The following GSE1 variants were observed in gnomAD, a reference collection of about 807,000 sequenced individuals.
GSE1 encodes the protein Gse1 coiled-coil protein, also known as genetic suppressor element 1.
In GSE1, 32 loss-of-function variants were observed where a neutral mutation model predicts 112.6. The observed-to-expected ratio is 0.28, with a 90% CI of 0.21 to 0.38. The LOEUF (loss-of-function observed/expected upper bound fraction) is 0.38, where lower values mean the gene tolerates loss of function less well. Ranked by LOEUF, GSE1 falls within the 10% of genes least tolerant of loss-of-function variation. The pLI is 1.00. For synonymous variants in GSE1, 1,115 were observed against 735.6 expected, an observed-to-expected ratio of 1.52 and a Z score of -8.35; for missense variants, 2,348 against 1,699.2, an observed-to-expected ratio of 1.38 and a Z score of -6.71.
intron 2 of GSE1, among the ~76,000 whole-genome samples, chr16:85,544,467 A>G (rs768957362): frequency 6.6e-6 from 1 of 152,194 alleles, no homozygotes; most frequent in Non-Finnish European, 1.5e-5. Flanking sequence ...GAAGAGCAAT[A>G]GGAAAGGAAG....
At chr16:85,671,732 A>T (rs772417629) in intron 15 of GSE1, 1 of 153,780 alleles carries the variant, frequency 6.5e-6, no homozygotes, top group Non-Finnish European at 1.4e-5. Context: ...AGTCTCCTCT[A>T]CCGTGATTTG....
At chr16:85,479,869 C>T (rs964445707) in intron 2 of GSE1, among the ~76,000 whole-genome samples, 6 of 152,158 alleles carry the variant, frequency 3.9e-5, no homozygotes, top group African/African-American at 1.4e-4. Flanking sequence ...GAAACTGAGG[C>T]CCGGGCCCAG....
intron 2 of GSE1, among the ~76,000 whole-genome samples, chr16:85,550,003 C>G (rs563115518): frequency 1.3e-5 from 2 of 152,314 alleles, no homozygotes; most frequent in South Asian, 2.1e-4. Context: ...AGCATTATTA[C>G]CACTGTTATC....
At chr16:85,466,193 G>C (rs2050115958) in intron 2 of GSE1, among the ~76,000 whole-genome samples, 1 of 152,220 alleles carries the variant, frequency 6.6e-6, no homozygotes. Context: ...GCCAGGTCGT[G>C]GTAACCTGGC....
intron 1 of GSE1, among the ~76,000 whole-genome samples, chr16:85,296,479 C>A (rs947764148): frequency 6.6e-6 from 1 of 152,060 alleles, no homozygotes; most frequent in Non-Finnish European, 1.5e-5. Flanking sequence ...TGGTGGTGCA[C>A]ACCTGTAATC....
chr16:85,475,775 T>C (rs2050432799), intron 2 of GSE1, among the ~76,000 whole-genome samples: 1 of 20,296 alleles, frequency 4.9e-5, no homozygotes, highest in Non-Finnish European at 1.5e-4. Flanking sequence ...TAATTGTTTT[T>C]CTTTTTTTTT....
chr16:85,578,110 C>G (rs944378127), intron 1 of GSE1, among the ~76,000 whole-genome samples: 1 of 152,198 alleles, frequency 6.6e-6, no homozygotes, highest in Non-Finnish European at 1.5e-5. Flanking sequence ...TCCCAGCTCT[C>G]CACTCTGGCT....
chr16:85,236,683 A>G (rs1904699534), intron 1 of GSE1, among the ~76,000 whole-genome samples: 1 of 152,190 alleles, frequency 6.6e-6, no homozygotes, highest in Non-Finnish European at 1.5e-5. Context: ...ATAGGGAGCC[A>G]TTGAAGGTTC....
At position 85,674,956 on chromosome 16, in the gene GSE1, G is replaced by A. The variant is rs2053601861; in HGVS notation, c.*2417G>A. On this transcript the variant is annotated 3_prime_UTR_variant, in exon 16 of 16. Coordinates refer to ENST00000253458, the MANE Select transcript of GSE1 (RefSeq NM_014615.5). ...CGACAATCAGAATACAAACCAGTAAGGCAACACGAATAAACTAAGAAAAAG... is the reference window on the plus strand; with the variant it reads ...CGACAATCAGAATACAAACCAGTAAAGCAACACGAATAAACTAAGAAAAAG... 1 of 152,654 alleles carries A rather than the reference G, an allele frequency of 6.6e-6. No homozygotes were observed. Among genetic ancestry groups the A allele is most frequent in the Non-Finnish European group, 1.5e-5 (1 of 68,028 alleles). The allele number at this position is 152,654 out of a possible 1,614,324, so 9.5% of individuals were successfully genotyped here.
At chr16:85,548,055 GTC>G (rs1467606923) in intron 2 of GSE1, among the ~76,000 whole-genome samples, 1 of 151,642 alleles carries the variant, frequency 6.6e-6, no homozygotes, top group African/African-American at 2.4e-5. Context: ...GTGAAACGCT[GTC>G]TCTACTAAAA....
Position 85,665,097 on chromosome 16 carries a change from T to C in GSE1, c.2727T>C (p.Ser909=). Residue 909 remains serine (S), a synonymous_variant, in exon 12 of 16, where the codon TCT becomes TCC. Transcript: ENST00000253458. ...SAAVADSLTN[S]PRDSPAVSLS... is the part of the protein sequence containing the mutation. ...CAGTGGCCGACTCCTTGACAAACTC[T>C]CCGAGGGACAGTCCTGCCGTCTCCC... The C allele has an allele frequency of 6.2e-7, 1 of 1,610,338 alleles. No individual in the cohort carries two copies. The highest frequency in any genetic ancestry group is 8.5e-7 in the Non-Finnish European group (1 of 1,176,956).
At chr16:85,456,042 G>A (rs11863686) in intron 2 of GSE1, among the ~76,000 whole-genome samples, 4,708 of 152,300 alleles carry the variant, frequency 0.031, 237 homozygotes, top group African/African-American at 0.11. Flanking sequence ...GTAAGTAACA[G>A]AGCTAGGATT....
chr16:85,431,869 A>G (rs2049130648), intron 2 of GSE1, among the ~76,000 whole-genome samples: 1 of 152,230 alleles, frequency 6.6e-6, no homozygotes, highest in Non-Finnish European at 1.5e-5. Context: ...TAAGTGATTA[A>G]TTGCAATTAG....
intron 1 of GSE1, among the ~76,000 whole-genome samples, chr16:85,320,362 A>G (rs1467853998): frequency 3.4e-4 from 52 of 152,212 alleles, no homozygotes; most frequent in Non-Finnish European, 1.3e-4. Context: ...AGGTGTGTGG[A>G]GCAGACGCCC....
chr16:85,509,276 A>G (rs2051651278), intron 2 of GSE1, among the ~76,000 whole-genome samples: 1 of 152,190 alleles, frequency 6.6e-6, no homozygotes, highest in African/African-American at 2.4e-5. Flanking sequence ...CGGTAACAAG[A>G]GTCCTGGTCG....
intron 11 of GSE1, chr16:85,664,744 G>C (rs982411168): frequency 5.3e-6 from 2 of 375,074 alleles, no homozygotes; most frequent in East Asian, 5.0e-5. Flanking sequence ...ACCGAGGTCC[G>C]TGGGCACAGT....
At chr16:85,212,550 C>T (rs535764639) in intron 1 of GSE1, among the ~76,000 whole-genome samples, 134 of 152,300 alleles carry the variant, frequency 8.8e-4, no homozygotes, top group African/African-American at 3.1e-3. Flanking sequence ...ATGGGGAAGA[C>T]AGCGTTTTCA....
intron 1 of GSE1, among the ~76,000 whole-genome samples, chr16:85,333,837 C>G (rs1020473999): frequency 2.6e-5 from 4 of 152,206 alleles, no homozygotes; most frequent in Non-Finnish European, 1.5e-5. Flanking sequence ...CCTCCTCCCC[C>G]CACAGCCCTG....
intron 2 of GSE1, among the ~76,000 whole-genome samples, chr16:85,438,823 G>A (rs1181505685): frequency 6.6e-6 from 1 of 152,200 alleles, no homozygotes; most frequent in Admixed American, 6.5e-5. Context: ...GCAGAGCTGG[G>A]ACCAGCCCTC....
Sources: allele counts gnomAD v4.1 joint callset (sites outside exome capture counted in the v4.1 genomes callset), GRCh38; gene constraint gnomAD v4.1.1; transcripts MANE v1.5; gene names NCBI Gene and HGNC (gene_info 2026-07-23, HGNC 2026-07-21).